The following CUX1 variants were observed in gnomAD, a reference collection of about 807,000 sequenced individuals.
CUX1 encodes cut like homeobox 1.
CUX1 carries 31 observed loss-of-function variants against 158.8 expected under a neutral mutation model. The ratio of observed to expected loss-of-function variants is 0.20; its 90% confidence interval spans 0.15 to 0.26. The LOEUF (loss-of-function observed/expected upper bound fraction) is 0.26. CUX1 is among the 10% of genes least tolerant of loss of function. The pLI is 1.00. For synonymous variants in CUX1, 879 were observed against 862.1 expected (o/e 1.02, Z -0.34); for missense variants, 1,589 against 2,014.6 (o/e 0.79, Z 4.04).
chr7:102,253,272 C>G lies in CUX1; in HGVS notation c.*4230C>G. ...CGCCCAAGCCCAGGTGGCCAGCTCTCATACCCCATCTCCCTCCTTGGCCAG... is the reference window on the plus strand; with the variant it reads ...CGCCCAAGCCCAGGTGGCCAGCTCTGATACCCCATCTCCCTCCTTGGCCAG... On this transcript the variant is annotated 3_prime_UTR_variant, in exon 24 of 24. Transcript: ENST00000292535. The G allele has an allele frequency of 1.0e-6, 1 of 985,626 alleles. No individual in the cohort carries two copies. The highest frequency in any genetic ancestry group is 1.2e-6 in the Non-Finnish European group (1 of 830,064). The allele number at this position is 985,626 out of a possible 1,614,324, so 61.1% of individuals were successfully genotyped here.
chr7:102,212,909 A>G (rs1315617813), intron 20 of CUX1, among the ~76,000 whole-genome samples: 1 of 152,200 alleles, frequency 6.6e-6, no homozygotes. Context: ...GCAGTGGCAC[A>G]ATCTCGGCTC....
At chr7:102,164,026 A>G (rs1378947776) in intron 9 of CUX1, among the ~76,000 whole-genome samples, 1 of 152,130 alleles carries the variant, frequency 6.6e-6, no homozygotes, top group Non-Finnish European at 1.5e-5. Flanking sequence ...ATAAATACTC[A>G]CTGTCCCAAT....
chr7:102,241,002 G>A (rs1800144269), intron 23 of CUX1, among the ~76,000 whole-genome samples: 1 of 152,096 alleles, frequency 6.6e-6, no homozygotes, highest in Non-Finnish European at 1.5e-5. Context: ...TGTATTTTTA[G>A]TAGAGACGGG....
At chr7:102,152,461 T>TA (rs1835795504) in intron 8 of CUX1, among the ~76,000 whole-genome samples, 1 of 152,212 alleles carries the variant, frequency 6.6e-6, no homozygotes, top group Non-Finnish European at 1.5e-5. Context: ...CTTTGTCACC[T>TA]AGGCTGGAGT....
chr7:101,865,823 A>G (rs1175436886), intron 1 of CUX1, among the ~76,000 whole-genome samples: 1 of 152,184 alleles, frequency 6.6e-6, no homozygotes, highest in African/African-American at 2.4e-5. Context: ...TACTGGAGCA[A>G]ATGACTGCAC....
intron 3 of CUX1, among the ~76,000 whole-genome samples, chr7:102,038,069 A>T (rs1585371127): frequency 6.6e-6 from 1 of 151,874 alleles, no homozygotes; most frequent in Non-Finnish European, 1.5e-5. Context: ...AAAAGCAGAA[A>T]GATAAGGCCA....
intron 2 of CUX1, among the ~76,000 whole-genome samples, chr7:101,984,873 ATT>A (rs1485180124): frequency 5.9e-5 from 9 of 152,234 alleles, no homozygotes; most frequent in Admixed American, 2.0e-4. Flanking sequence ...TTTATTATAT[ATT>A]AAAGTTTCTA....
intron 4 of CUX1, among the ~76,000 whole-genome samples, chr7:102,097,159 G>A (rs1554484475): frequency 6.6e-6 from 1 of 152,194 alleles, no homozygotes; most frequent in African/African-American, 2.4e-5. Flanking sequence ...TTCACACCTC[G>A]AGGACCCCGG....
At chr7:102,265,154 A>G (rs1554544815) in intron 14 of CUX1, among the ~76,000 whole-genome samples, 1 of 152,048 alleles carries the variant, frequency 6.6e-6, no homozygotes, top group African/African-American at 2.4e-5. Context: ...TCAGGAGTTC[A>G]AGACCAGCCT....
chr7:102,122,993 G>T (rs1554493935), intron 8 of CUX1, among the ~76,000 whole-genome samples: 1 of 152,174 alleles, frequency 6.6e-6, no homozygotes, highest in Non-Finnish European at 1.5e-5. Flanking sequence ...AACTCTGGGA[G>T]GCCGAGATGG....
At chr7:101,877,054 A>G (rs1379355960) in intron 1 of CUX1, among the ~76,000 whole-genome samples, 1 of 152,224 alleles carries the variant, frequency 6.6e-6, no homozygotes, top group Non-Finnish European at 1.5e-5. Flanking sequence ...AATTTCTAAA[A>G]GTAGAAGTGA....
downstream of CUX1, among the ~76,000 whole-genome samples, chr7:102,258,624 G>T (rs140002224): frequency 5.6e-4 from 86 of 152,338 alleles, no homozygotes; most frequent in South Asian, 2.7e-3. Flanking sequence ...ACCAGGAATG[G>T]TGGCCAGTGC....
chr7:102,178,524 A>G lies in CUX1; in HGVS notation c.884A>G (p.Lys295Arg), dbSNP rs1554512750. The change falls in exon 11 of 24, where the codon AAG becomes AGG. Residue 295 changes from lysine (K) to arginine (R), a missense_variant. Lys to Arg is a conservative substitution (Grantham distance 26). This residue lies in a region of CUX1 where 515 missense variants were observed against 574.4 expected (regional missense o/e 0.90). Transcript: ENST00000292535. ...RSSLEVELAA[K>R]EREIAQLVED... ...AGCCTAGAAGTTGAGTTGGCCGCCA[A>G]GGAGCGGGAGATCGCACAGCTGGTG... 1 of 1,613,224 alleles carries G rather than the reference A, an allele frequency of 6.2e-7. No individual in the cohort carries two copies. Among genetic ancestry groups the G allele is most frequent in the South Asian group, 1.1e-5 (1 of 90,988 alleles).
intron 2 of CUX1, among the ~76,000 whole-genome samples, chr7:101,940,506 C>T (rs1807577501): frequency 6.6e-6 from 1 of 151,330 alleles, no homozygotes; most frequent in Admixed American, 6.6e-5. Context: ...CTGTCCTCCT[C>T]CCTTCGATCT....
At chr7:102,021,204 C>T (rs1383639168) in intron 2 of CUX1, among the ~76,000 whole-genome samples, 1 of 152,180 alleles carries the variant, frequency 6.6e-6, no homozygotes, top group Admixed American at 6.5e-5. Context: ...GGGGTACCAC[C>T]AAGAGATGTT....
At chr7:101,876,698 AAAAAAGAAAAATG>A (rs761977213) in intron 1 of CUX1, among the ~76,000 whole-genome samples, 7 of 152,240 alleles carry the variant, frequency 4.6e-5, no homozygotes, top group Non-Finnish European at 7.3e-5. Context: ...CGTCTAAAAA[AAAAAAGAAAAATG>A]AAAAAGAAAA....
chr7:102,266,560 C>T (rs1361043130), intron 14 of CUX1, among the ~76,000 whole-genome samples: 1 of 152,020 alleles, frequency 6.6e-6, no homozygotes, highest in Non-Finnish European at 1.5e-5. Flanking sequence ...CAATGGCATC[C>T]CGCATGGCCA....
intron 6 of CUX1, among the ~76,000 whole-genome samples, chr7:102,109,792 A>G (rs1346271320): frequency 6.6e-6 from 1 of 152,026 alleles, no homozygotes; most frequent in Non-Finnish European, 1.5e-5. Context: ...CCAAAAAAAA[A>G]AAAAGAAAAA....
At chr7:101,887,398 C>T (rs1800339536) in intron 1 of CUX1, among the ~76,000 whole-genome samples, 1 of 152,020 alleles carries the variant, frequency 6.6e-6, no homozygotes, top group Non-Finnish European at 1.5e-5. Flanking sequence ...TCTTGATCTC[C>T]TGGGCTCAAG....
Sources: gnomAD v4.1 joint callset for allele counts (sites outside exome capture counted in the v4.1 genomes callset) on GRCh38, gnomAD v4.1.1 for gene constraint, gnomAD v4.1.1 regional missense constraint, MANE v1.5 for transcripts, NCBI Gene and HGNC (gene_info 2026-07-23, HGNC 2026-07-21) for gene names.